Variants in ATP6V0A4 observed in about 807,000 individuals in gnomAD.
ATP6V0A4 encodes the protein ATPase H+ transporting V0 subunit a4, also known as V-type proton ATPase 116 kDa subunit a 4.
A neutral mutation model predicts 107.3 loss-of-function variants in ATP6V0A4; 86 were observed. The ratio of observed to expected loss-of-function variants is 0.80; its 90% CI spans 0.67 to 0.96. ATP6V0A4 has a LOEUF of 0.96. Ranked by LOEUF, ATP6V0A4 falls within the 40% of genes least tolerant of loss-of-function variation. The probability of loss-of-function intolerance (pLI) is 0.00; values close to 1 mark genes in which losing one functional copy is unlikely to be tolerated. For missense variants in ATP6V0A4, 908 were observed against 1,045.6 expected, an observed-to-expected ratio of 0.87 and a Z score of 1.81; for synonymous variants, 353 against 381.4, an observed-to-expected ratio of 0.93 and a Z score of 0.87.
chr7:138,767,890 T>C (rs1807173467), intron 5 of ATP6V0A4, among the ~76,000 whole-genome samples: 1 of 152,180 alleles, frequency 6.6e-6, no homozygotes, highest in Non-Finnish European at 1.5e-5. Context: ...TGTTTATTTC[T>C]AAGCTACCTT....
At chr7:138,764,425 G>T (rs1008684031) in intron 5 of ATP6V0A4, among the ~76,000 whole-genome samples, 1 of 152,070 alleles carries the variant, frequency 6.6e-6, no homozygotes. Flanking sequence ...GAAACAGACA[G>T]GAGTGAAACT....
chr7:138,769,167 G>T lies in ATP6V0A4; in HGVS notation c.196+6C>A, dbSNP rs1415482309. 5.0e-6 allele frequency: 8 copies of T among 1,601,110 alleles called. No individual in the cohort carries two copies. Among genetic ancestry groups the T allele is most frequent in the South Asian group, 2.2e-5 (2 of 89,386 alleles). ...AGTAAGAAAAAAAAAAAAAAAATTG[G>T]CTTACGGAGGATTCTCTCCAGTGAT... is the stretch of plus-strand genomic sequence containing the variant. On this transcript the variant is annotated splice_donor_region_variant and intron_variant, in intron 4 of 21. Coordinates refer to ENST00000310018, the MANE Select transcript of ATP6V0A4 (RefSeq NM_020632.3).
intron 15 of ATP6V0A4, among the ~76,000 whole-genome samples, chr7:138,737,226 G>A (rs1281357348): frequency 3.3e-5 from 5 of 150,338 alleles, no homozygotes; most frequent in African/African-American, 9.9e-5. Flanking sequence ...CGTGCTGTGG[G>A]AGGAAGCTGG....
chr7:138,724,246 C>A (rs1406610577), intron 18 of ATP6V0A4, among the ~76,000 whole-genome samples: 2 of 148,592 alleles, frequency 1.3e-5, no homozygotes, highest in Non-Finnish European at 3.0e-5. Flanking sequence ...AAAAATAAAT[C>A]TTTGTAAAAA....
At chr7:138,775,704 G>A (rs945196258) in intron 2 of ATP6V0A4, among the ~76,000 whole-genome samples, 1 of 146,804 alleles carries the variant, frequency 6.8e-6, no homozygotes, top group African/African-American at 2.5e-5. Flanking sequence ...AGGCTGGAGT[G>A]CAGTGGCGCG....
intron 5 of ATP6V0A4, among the ~76,000 whole-genome samples, chr7:138,766,145 T>G (rs549607050): frequency 2.9e-4 from 44 of 152,280 alleles, no homozygotes; most frequent in Non-Finnish European, 5.7e-4. Flanking sequence ...GCCCCTTATC[T>G]ATTCCTACAA....
In ATP6V0A4 at chr7:138,747,530, G is replaced by A. The variant is rs750077972; in HGVS notation, c.1215C>T (p.Phe405=). 13 of 1,614,092 alleles carry A rather than the reference G, an allele frequency of 8.1e-6. No individual in the cohort carries two copies. Among genetic ancestry groups the A allele is most frequent in the Admixed American group, 6.7e-5 (4 of 59,992 alleles). The part of the protein sequence containing the change: ...PYTIITFPFL[F]AVMFGDCGHG... The stretch of plus-strand genomic sequence containing the variant: ...GACCACAGTCTCCAAACATCACAGC[G>A]AACAGGAAGGGGAAAGTGATGATGG... The change falls in exon 13 of 22, where the codon TTC becomes TTT. Residue 405 remains phenylalanine (F), a synonymous_variant. Transcript: ENST00000310018.
chr7:138,796,956 C>T (rs929108051), intron 1 of ATP6V0A4, among the ~76,000 whole-genome samples: 1 of 152,190 alleles, frequency 6.6e-6, no homozygotes, highest in Admixed American at 6.5e-5. Flanking sequence ...GAACCTTCCC[C>T]TTTGCTTCCT....
In ATP6V0A4 at chr7:138,707,622, G is replaced by A. The variant is rs182982744; in HGVS notation, c.2430-905C>T. Among the ~76,000 whole-genome samples the A allele has an allele frequency of 4.4e-3, 659 of 150,460 alleles. 7 individuals carry two copies. Among genetic ancestry groups the A allele is most frequent in the South Asian group, 0.026 (126 of 4,756 alleles). On this transcript the variant is annotated intron_variant, in intron 21 of 21. Transcript: ENST00000310018. ...TTGCTATGTTGGCCAGGCTGGTCTC[G>A]AACTCCTGACCTCAGGTGATCCACA...
intron 5 of ATP6V0A4, among the ~76,000 whole-genome samples, chr7:138,767,439 C>T (rs1807149841): frequency 1.3e-5 from 2 of 152,152 alleles, no homozygotes; most frequent in Non-Finnish European, 2.9e-5. Flanking sequence ...AGGAGAATCG[C>T]TTGAGCCTGG....
chr7:138,724,172 C>G (rs578254333), intron 18 of ATP6V0A4, among the ~76,000 whole-genome samples: 1 of 126,162 alleles, frequency 7.9e-6, no homozygotes, highest in East Asian at 2.3e-4. Flanking sequence ...CCTGGGTGAC[C>G]AAGCAAGACT....
intron 7 of ATP6V0A4, chr7:138,760,092 G>A (rs1584932775): frequency 4.1e-6 from 1 of 242,806 alleles, no homozygotes; most frequent in East Asian, 1.8e-4. Context: ...GTTTTCTTTG[G>A]TATCTTGAAA....
chr7:138,727,466 C>T (rs775492641), intron 18 of ATP6V0A4, among the ~76,000 whole-genome samples: 2 of 152,190 alleles, frequency 1.3e-5, no homozygotes, highest in Non-Finnish European at 2.9e-5. Flanking sequence ...CTTTGTCTTC[C>T]TCTTTATGAA....
intron 14 of ATP6V0A4, among the ~76,000 whole-genome samples, chr7:138,744,763 C>A (rs910535783): frequency 1.3e-5 from 2 of 151,934 alleles, no homozygotes; most frequent in Admixed American, 6.6e-5. Context: ...AGTGCAGTGG[C>A]GCAATCTCAG....
intron 1 of ATP6V0A4, among the ~76,000 whole-genome samples, chr7:138,788,007 GAAAAAGAA>G (rs1022680159): frequency 6.6e-6 from 1 of 151,400 alleles, no homozygotes; most frequent in Non-Finnish European, 1.5e-5. Flanking sequence ...CTTAAAAACG[GAAAAAGAA>G]AAAAAGAGAA....
At chr7:138,775,934 G>A (rs898581613) in intron 2 of ATP6V0A4, among the ~76,000 whole-genome samples, 2 of 152,106 alleles carry the variant, frequency 1.3e-5, no homozygotes, top group African/African-American at 4.8e-5. Context: ...ACAGGCGTGA[G>A]CCACCGTGCT....
chr7:138,765,354 AT>A (rs1807033813), intron 5 of ATP6V0A4, among the ~76,000 whole-genome samples: 1 of 152,158 alleles, frequency 6.6e-6, no homozygotes, highest in Non-Finnish European at 1.5e-5. Context: ...TTTCCCAATC[AT>A]TTCCTCTATC....
chr7:138,736,060 C>A (rs1348231726), intron 15 of ATP6V0A4, among the ~76,000 whole-genome samples: 1 of 150,588 alleles, frequency 6.6e-6, no homozygotes, highest in Non-Finnish European at 1.5e-5. Flanking sequence ...AAAAGTGAAA[C>A]TCCATCTCAA....
rs1288644564 is a variant in ATP6V0A4 at position 138,740,424 on chromosome 7, C to CTT, written c.1479-793_1479-792dup. ...AATGGATGTCAATGGGAAGAAATTT[C>CTT]TTTTTTTTTTTTTTTTTTGGAGACT... On this transcript the variant is annotated intron_variant, in intron 14 of 21. Transcript: ENST00000310018. Among the ~76,000 whole-genome samples, 104 of 128,968 alleles carry CTT rather than the reference C, an allele frequency of 8.1e-4. 1 individual carries two copies. Among genetic ancestry groups the CTT allele is most frequent in the African/African-American group, 2.3e-3 (80 of 34,882 alleles). The allele number at this position is 128,968 out of a possible 152,430, so 84.6% of individuals were successfully genotyped here.
Sources: gnomAD v4.1 joint callset for allele counts (sites outside exome capture counted in the v4.1 genomes callset) on GRCh38, gnomAD v4.1.1 for gene constraint, MANE v1.5 for transcripts, NCBI Gene and HGNC (gene_info 2026-07-23, HGNC 2026-07-21) for gene names.